The following CHST15 variants were observed in gnomAD, a reference collection of about 807,000 sequenced individuals.
The protein encoded by CHST15 is carbohydrate sulfotransferase 15.
A neutral mutation model predicts 53.6 loss-of-function variants in CHST15; 30 were observed. That is an observed-to-expected ratio of 0.56 (90% CI 0.42 to 0.76). The LOEUF (loss-of-function observed/expected upper bound fraction) is 0.76. Among genes scored for constraint, CHST15 ranks in the 30% least tolerant of loss-of-function variants. CHST15 has a pLI of 0.00. For missense variants in CHST15, 627 were observed against 740.5 expected, an observed-to-expected ratio of 0.85 and a Z score of 1.78; for synonymous variants, 296 against 289.8, an observed-to-expected ratio of 1.02 and a Z score of -0.22.
At chr10:124,052,388 A>T (rs953043443) in intron 1 of CHST15, among the ~76,000 whole-genome samples, 2 of 152,232 alleles carry the variant, frequency 1.3e-5, no homozygotes, top group Non-Finnish European at 2.9e-5. Flanking sequence ...TAAGCAGAAT[A>T]AAGCCACACC....
At chr10:124,027,189 A>G (rs1263244099) in intron 5 of CHST15, among the ~76,000 whole-genome samples, 1 of 151,984 alleles carries the variant, frequency 6.6e-6, no homozygotes. Context: ...GGCCCCTCAC[A>G]CTGGGCCCGT....
intron 1 of CHST15, among the ~76,000 whole-genome samples, chr10:124,091,497 C>G (rs1222964049): frequency 1.3e-5 from 2 of 152,188 alleles, no homozygotes; most frequent in Non-Finnish European, 2.9e-5. Flanking sequence ...CGCTGGGTGG[C>G]TACCCTAACC....
At chr10:124,068,761 C>A (rs141170185) in intron 1 of CHST15, among the ~76,000 whole-genome samples, 195 of 152,110 alleles carry the variant, frequency 1.3e-3, no homozygotes, top group African/African-American at 4.4e-3. Flanking sequence ...TATCCCTGTT[C>A]TTGAATTAAA....
At chr10:124,032,331 T>C (rs1230344414) in intron 5 of CHST15, among the ~76,000 whole-genome samples, 1 of 152,070 alleles carries the variant, frequency 6.6e-6, no homozygotes, top group African/African-American at 2.4e-5. Flanking sequence ...TTTCTGGGCA[T>C]TGCATTAAGA....
At chr10:124,025,114 G>C (rs1946945777) in intron 5 of CHST15, among the ~76,000 whole-genome samples, 1 of 152,114 alleles carries the variant, frequency 6.6e-6, no homozygotes, top group African/African-American at 2.4e-5. Flanking sequence ...GCAGATATTT[G>C]GCTCATAAAT....
intron 4 of CHST15, among the ~76,000 whole-genome samples, chr10:124,042,052 C>T (rs1947759414): frequency 6.6e-6 from 1 of 152,278 alleles, no homozygotes; most frequent in Non-Finnish European, 1.5e-5. Context: ...CTCAAGAAAG[C>T]CATCAGCTGT....
At chr10:124,061,203 CTG>C (rs1315890327) in intron 1 of CHST15, among the ~76,000 whole-genome samples, 1 of 152,182 alleles carries the variant, frequency 6.6e-6, no homozygotes, top group Non-Finnish European at 1.5e-5. Context: ...TATGGTTTGA[CTG>C]TGTGCCCACC....
At chr10:124,083,990 T>G (rs1400591725) in intron 1 of CHST15, among the ~76,000 whole-genome samples, 1 of 152,204 alleles carries the variant, frequency 6.6e-6, no homozygotes, top group Non-Finnish European at 1.5e-5. Flanking sequence ...GCTCACGGTT[T>G]CTAAGCCCAC....
At position 124,009,544 on chromosome 10, in the gene CHST15, A is replaced by G. The variant is rs1946354858; in HGVS notation, c.*605T>C. 1.0e-6 allele frequency: 1 copy of G among 988,770 alleles called. No individual in the cohort carries two copies. The highest frequency in any genetic ancestry group is 1.7e-5 in the African/African-American group (1 of 57,246). 61.2% of individuals were successfully genotyped at this position (988,770 alleles called of 1,614,324 possible). On this transcript the variant is annotated 3_prime_UTR_variant, in exon 8 of 8. Coordinates refer to ENST00000435907, the MANE Select transcript of CHST15 (RefSeq NM_001270764.2). ...GGGCTGAGTTTGGAGTAAAGGAGAA[A>G]AAAAAAATGAAGAGCCTCCATTCTC...
At chr10:124,053,725 T>C (rs1948284674) in intron 1 of CHST15, among the ~76,000 whole-genome samples, 1 of 152,044 alleles carries the variant, frequency 6.6e-6, no homozygotes, top group South Asian at 2.1e-4. Flanking sequence ...CTAGACCAGC[T>C]TGGGCAACAT....
chr10:124,090,665 G>A (rs1949575602), intron 1 of CHST15, among the ~76,000 whole-genome samples: 1 of 152,208 alleles, frequency 6.6e-6, no homozygotes, highest in Admixed American at 6.5e-5. Context: ...CTGGCCAGGG[G>A]CAGCAGCAAC....
intron 1 of CHST15, among the ~76,000 whole-genome samples, chr10:124,085,801 C>G (rs1245322096): frequency 6.6e-6 from 1 of 152,018 alleles, no homozygotes; most frequent in African/African-American, 2.4e-5. Flanking sequence ...AAGGGAGGTA[C>G]GGGGAGCAGA....
intron 1 of CHST15, among the ~76,000 whole-genome samples, chr10:124,064,685 G>A (rs1181436593): frequency 6.8e-6 from 1 of 147,140 alleles, no homozygotes; most frequent in Non-Finnish European, 1.5e-5. Flanking sequence ...TCCTGCTGGC[G>A]GCCTTTATCT....
At chr10:124,072,858 T>C (rs763812753) in intron 1 of CHST15, among the ~76,000 whole-genome samples, 2 of 152,198 alleles carry the variant, frequency 1.3e-5, no homozygotes, top group African/African-American at 2.4e-5. Flanking sequence ...GCCTTATCTC[T>C]TCCAGTGCAC....
At chr10:124,078,865 T>C (rs1654443699) in intron 1 of CHST15, among the ~76,000 whole-genome samples, 1 of 152,236 alleles carries the variant, frequency 6.6e-6, no homozygotes, top group Non-Finnish European at 1.5e-5. Flanking sequence ...TTGCATAAGA[T>C]GTTCTCCCTG....
intron 1 of CHST15, among the ~76,000 whole-genome samples, chr10:124,069,470 T>G (rs1259514262): frequency 2.0e-5 from 3 of 152,100 alleles, no homozygotes. Flanking sequence ...CTCGGGGAAT[T>G]TGGGACGGGG....
chr10:124,025,705 TA>T (rs1366997336), intron 5 of CHST15, among the ~76,000 whole-genome samples: 1 of 152,138 alleles, frequency 6.6e-6, no homozygotes, highest in Non-Finnish European at 1.5e-5. Flanking sequence ...TGTAGGATCT[TA>T]AGACGAGATC....
rs906162569 is a variant in CHST15, at chr10:124,009,854, A to G, written c.*295T>C. ...TTCCCTAGGTGTTCTCTCCACACCC[A>G]GTGCAGGCCAGCTGGCTGCATCCCC... On this transcript the variant is annotated 3_prime_UTR_variant, in exon 8 of 8. Coordinates refer to ENST00000435907, the MANE Select transcript of CHST15 (RefSeq NM_001270764.2). The G allele has an allele frequency of 2.1e-4, 252 of 1,202,334 alleles. No individual in the cohort carries two copies. Among genetic ancestry groups the G allele is most frequent in the Non-Finnish European group, 2.5e-4 (244 of 962,170 alleles). 74.5% of individuals were successfully genotyped at this position (1,202,334 alleles called of 1,614,324 possible). A position where few individuals can be genotyped will look rare whatever the true frequency, so the allele number is the denominator to read the frequency against.
At chr10:124,034,731 C>T (rs1430156147) in intron 5 of CHST15, among the ~76,000 whole-genome samples, 1 of 135,500 alleles carries the variant, frequency 7.4e-6, no homozygotes, top group Non-Finnish European at 1.6e-5. Context: ...CACCCCCTAA[C>T]AGGGACCCCG....
Sources: gnomAD v4.1 joint callset for allele counts (sites outside exome capture counted in the v4.1 genomes callset) on GRCh38, gnomAD v4.1.1 for gene constraint, MANE v1.5 for transcripts, NCBI Gene and HGNC (gene_info 2026-07-23, HGNC 2026-07-21) for gene names.